PSEN2: variants seen among roughly 807,000 people sequenced by gnomAD.
PSEN2 encodes the protein presenilin 2.
In PSEN2, 32 loss-of-function variants were observed where a neutral mutation model predicts 49.1. That is an observed-to-expected ratio of 0.65 (90% CI 0.49 to 0.88). The LOEUF (loss-of-function observed/expected upper bound fraction) is 0.88, where lower values mean the gene tolerates loss of function less well. Ranked by LOEUF, PSEN2 falls within the 40% of genes least tolerant of loss-of-function variation. The probability of loss-of-function intolerance (pLI) is 0.00; values close to 1 mark genes in which losing one functional copy is unlikely to be tolerated. For missense variants in PSEN2, 522 were observed against 586.9 expected (o/e 0.89, Z 1.14); for synonymous variants, 255 against 244.0 (o/e 1.05, Z -0.42).
rs889870095 is a variant in PSEN2 at position 226,895,841 on chromosome 1, G to C, written c.*262G>C. 3.6e-6 allele frequency: 2 copies of C among 550,766 alleles called. No homozygotes were observed. Among genetic ancestry groups the C allele is most frequent in the Non-Finnish European group, 6.5e-6 (2 of 307,036 alleles). The allele number at this position is 550,766 out of a possible 1,614,324, so 34.1% of individuals were successfully genotyped here. On this transcript the variant is annotated 3_prime_UTR_variant, in exon 13 of 13. Transcript: ENST00000366783. Reference sequence around the variant, plus strand: ...TTATCCAGATGAACTGAGAAGGTCAGATTAGGGCGGGGAGAAGAGCATCCG... The same window carrying C: ...TTATCCAGATGAACTGAGAAGGTCACATTAGGGCGGGGAGAAGAGCATCCG...
Position 226,885,562 on chromosome 1 carries a change from C to G in PSEN2, c.381C>G (p.Asp127Glu). Residue 127 changes from aspartate to glutamate, a missense_variant, in exon 6 of 13, where the codon GAC becomes GAG. Physicochemically the swap from Asp to Glu is conservative, Grantham distance 45 (BLOSUM62 2). Coordinates refer to ENST00000366783, the MANE Select transcript of PSEN2 (RefSeq NM_000447.3). The stretch of plus-strand genomic sequence containing the variant: ...GCATCTACACGCCATTCACTGAGGA[C>G]ACACCCTCGGTGGGCCAGCGCCTCC... ...GQLIYTPFTE[D>E]TPSVGQRLLN... The G allele has an allele frequency of 3.1e-6, 5 of 1,614,058 alleles. No individual in the cohort carries two copies. The highest frequency in any genetic ancestry group is 1.3e-5 in the African/African-American group (1 of 75,032).
chr1:226,873,931 A>G (rs1371951989), intron 2 of PSEN2, among the ~76,000 whole-genome samples: 1 of 152,172 alleles, frequency 6.6e-6, no homozygotes, highest in African/African-American at 2.4e-5. Context: ...GTCCCACAGC[A>G]GGACACTTTC....
At chr1:226,897,916 T>C (rs1193883731), downstream of PSEN2, 1 of 154,896 alleles carries the variant, frequency 6.5e-6, no homozygotes, top group Non-Finnish European at 1.5e-5. Context: ...TTTTAAAATA[T>C]TGCATTCTGG....
At chr1:226,872,082 G>A (rs77467343) in intron 2 of PSEN2, among the ~76,000 whole-genome samples, 3,406 of 152,282 alleles carry the variant, frequency 0.022, 80 homozygotes, top group East Asian at 0.057. Flanking sequence ...GGGAGTGAGT[G>A]GCTTGTTCCT....
chr1:226,887,719 C>T (rs555487068), intron 6 of PSEN2, among the ~76,000 whole-genome samples: 1 of 152,218 alleles, frequency 6.6e-6, no homozygotes, highest in Non-Finnish European at 1.5e-5. Context: ...ACACCCCTCA[C>T]ACTGGAACAC....
At chr1:226,890,249 T>G in intron 9 of PSEN2, 116 bp downstream of exon 9, 2 of 852,774 alleles carry the variant, frequency 2.3e-6, no homozygotes, top group African/African-American at 1.7e-5. Flanking sequence ...CCCAGGAGGG[T>G]CTCCACTTTC....
rs200361682 is a variant in PSEN2, at chr1:226,888,195, C to A, written c.566+37C>A. 4 of 1,553,138 alleles carry A rather than the reference C, an allele frequency of 2.6e-6. No homozygotes were observed. In the African/African-American group the frequency reaches 5.4e-5, roughly 21 times the overall value. On this transcript the variant is annotated intron_variant, in intron 7 of 12. Transcript: ENST00000366783. ...ATAAGCAGCAGGGTCCCTGGGAGCC[C>A]CTCTCCATGTGGCACAAGTGGACAT...
At chr1:226,882,378 A>G (rs1271791057) in intron 4 of PSEN2, among the ~76,000 whole-genome samples, 1 of 152,246 alleles carries the variant, frequency 6.6e-6, no homozygotes, top group Non-Finnish European at 1.5e-5. Context: ...CAGGTAACAC[A>G]GAAGCTTAGG....
chr1:226,870,704 T>A (rs1419169856), intron 1 of PSEN2, 55 bp downstream of exon 1: 2 of 151,534 alleles, frequency 1.3e-5, no homozygotes, highest in Non-Finnish European at 3.0e-5. Flanking sequence ...CCTGCGGCGC[T>A]GAGGGCCCGG....
At chr1:226,887,476 C>T (rs1053390742) in intron 6 of PSEN2, among the ~76,000 whole-genome samples, 3 of 152,148 alleles carry the variant, frequency 2.0e-5, no homozygotes, top group Non-Finnish European at 4.4e-5. Context: ...TTAGGATCAG[C>T]CCCCTCTTGT....
chr1:226,901,770 C>G (rs1465788886), intron 12 of PSEN2, among the ~76,000 whole-genome samples: 1 of 151,794 alleles, frequency 6.6e-6, no homozygotes, highest in Non-Finnish European at 1.5e-5. Context: ...TTAAAATGAC[C>G]AAAAAGGGGA....
chr1:226,872,543 C>T (rs1309931694), intron 2 of PSEN2, among the ~76,000 whole-genome samples: 1 of 152,180 alleles, frequency 6.6e-6, no homozygotes, highest in Non-Finnish European at 1.5e-5. Flanking sequence ...CCGTGTCTCT[C>T]CACTACTGCT....
chr1:226,887,461 C>T (rs1045509107), intron 6 of PSEN2, among the ~76,000 whole-genome samples: 2 of 152,104 alleles, frequency 1.3e-5, no homozygotes, highest in Non-Finnish European at 2.9e-5. Context: ...AGCTAAGGGA[C>T]TGGGTTAGGA....
At chr1:226,900,139 T>G (rs995293364), downstream of PSEN2, among the ~76,000 whole-genome samples, 1 of 152,004 alleles carries the variant, frequency 6.6e-6, no homozygotes, top group Non-Finnish European at 1.5e-5. Flanking sequence ...TCAAAGACGG[T>G]GGAAATGGGC....
At chr1:226,885,430 G>A in intron 5 of PSEN2, 108 bp from the exon 6 acceptor site, 2 of 1,303,178 alleles carry the variant, frequency 1.5e-6, no homozygotes, top group Non-Finnish European at 2.1e-6. Flanking sequence ...CATGTGGGCA[G>A]CATGGGCATC....
chr1:226,895,699 G>GT lies in PSEN2; in HGVS notation c.*121dup. On this transcript the variant is annotated 3_prime_UTR_variant, in exon 13 of 13. Coordinates refer to ENST00000366783, the MANE Select transcript of PSEN2 (RefSeq NM_000447.3). ...TTTCTTTCCTTAAAAAATAAAGTAC[G>GT]TGTTTACTTGGTGAGGAGGAGGCAG... 1 of 1,258,786 alleles carries GT rather than the reference G, an allele frequency of 7.9e-7. No homozygotes were observed. 78.0% of individuals were successfully genotyped at this position (1,258,786 alleles called of 1,614,324 possible).
Position 226,885,660 on chromosome 1 carries a change from A to G in PSEN2, c.479A>G (p.Tyr160Cys). Residue 160 changes from tyrosine to cysteine, a missense_variant, in exon 6 of 13, where the codon TAC (tyrosine) becomes TGC (cysteine). Physicochemically the swap from Tyr to Cys is radical, Grantham distance 194 (BLOSUM62 -2). Transcript: ENST00000366783. ...VVMTIFLVVL[Y>C]KYRCYKFIHG... is the part of the protein sequence containing the mutation. The stretch of plus-strand genomic sequence containing the variant: ...ATGACCATCTTCTTGGTGGTGCTCT[A>G]CAAGTACCGCTGCTACAAGGTGAGG... 1 of 1,609,450 alleles carries G rather than the reference A, an allele frequency of 6.2e-7. No individual in the cohort carries two copies. The highest frequency in any genetic ancestry group is 8.5e-7 in the Non-Finnish European group (1 of 1,179,952).
intron 2 of PSEN2, among the ~76,000 whole-genome samples, chr1:226,875,114 C>G (rs957055760): frequency 5.3e-5 from 8 of 152,164 alleles, no homozygotes; most frequent in Admixed American, 2.0e-4. Flanking sequence ...CAGAGGGCCC[C>G]TGGGGCCTGT....
chr1:226,885,016 A>G (rs1377050604), intron 5 of PSEN2, among the ~76,000 whole-genome samples: 2 of 152,206 alleles, frequency 1.3e-5, no homozygotes, highest in East Asian at 3.8e-4. Context: ...GAGAGAATGC[A>G]GCCAGCGGTT....
Sources: allele counts gnomAD v4.1 joint callset (sites outside exome capture counted in the v4.1 genomes callset), GRCh38; gene constraint gnomAD v4.1.1; transcripts MANE v1.5; gene names NCBI Gene and HGNC (gene_info 2026-07-23, HGNC 2026-07-21).